Variants in LOC128092252 observed in about 807,000 individuals in gnomAD.
the LOC128092252 span, among the ~76,000 whole-genome samples, chr15:50,649,810 T>C: frequency 1.3e-5 from 2 of 152,082 alleles, no homozygotes; most frequent in South Asian, 2.1e-4. Context: ...CCAAGGCAGC[T>C]AGAGTTTGTG....
the LOC128092252 span, among the ~76,000 whole-genome samples, chr15:50,652,866 A>G: frequency 6.6e-6 from 1 of 152,154 alleles, no homozygotes; most frequent in African/African-American, 2.4e-5. Context: ...CATTAGCATT[A>G]CAAGAAAAGA....
chr15:50,669,583 A>G, the LOC128092252 span, among the ~76,000 whole-genome samples: 2 of 152,242 alleles, frequency 1.3e-5, no homozygotes, highest in Admixed American at 6.5e-5. Flanking sequence ...CTGGCCAAGT[A>G]TAACAAAGCA....
the LOC128092252 span, among the ~76,000 whole-genome samples, chr15:50,665,605 A>AT: frequency 6.6e-6 from 1 of 152,116 alleles, no homozygotes; most frequent in Admixed American, 6.6e-5. Flanking sequence ...TTAGAAGTGA[A>AT]TAATAGTGAA....
At chr15:50,679,538 A>ATTTTTTTTTTTTTTT in the LOC128092252 span, among the ~76,000 whole-genome samples, 4 of 43,904 alleles carry the variant, frequency 9.1e-5, no homozygotes, top group African/African-American at 4.3e-4. Context: ...ATATATATAT[A>ATTTTTTTTTTTTTTT]TTTTTTTTTT....
the LOC128092252 span, among the ~76,000 whole-genome samples, chr15:50,680,436 G>A: frequency 1.3e-5 from 2 of 151,790 alleles, no homozygotes; most frequent in African/African-American, 4.8e-5. Flanking sequence ...CCAATGTGGT[G>A]GCGCAACCTG....
the LOC128092252 span, chr15:50,662,900 A>C: frequency 8.7e-7 from 1 of 1,144,712 alleles, no homozygotes. Context: ...GTTTCCAATA[A>C]AGAAATAACA....
At chr15:50,663,976 C>CA in the LOC128092252 span, among the ~76,000 whole-genome samples, 6 of 149,758 alleles carry the variant, frequency 4.0e-5, no homozygotes, top group East Asian at 2.0e-4. Flanking sequence ...AAAAACAAAG[C>CA]AAAAAAAACC....
At chr15:50,656,150 G>C in the LOC128092252 span, among the ~76,000 whole-genome samples, 1 of 152,012 alleles carries the variant, frequency 6.6e-6, no homozygotes, top group African/African-American at 2.4e-5. Flanking sequence ...GTTCAGTGTA[G>C]CTGCACTATA....
the LOC128092252 span, among the ~76,000 whole-genome samples, chr15:50,659,050 T>A: frequency 6.6e-6 from 1 of 151,948 alleles, no homozygotes; most frequent in Non-Finnish European, 1.5e-5. Context: ...TACAAAAAAT[T>A]AGCCAGATGT....
chr15:50,661,009 C>G, the LOC128092252 span, among the ~76,000 whole-genome samples: 1 of 149,744 alleles, frequency 6.7e-6, no homozygotes, highest in Non-Finnish European at 1.5e-5. Context: ...GAGTTTCACT[C>G]TTGTTACCCA....
the LOC128092252 span, among the ~76,000 whole-genome samples, chr15:50,677,700 C>A: frequency 7.3e-6 from 1 of 136,510 alleles, no homozygotes; most frequent in Admixed American, 8.2e-5. Context: ...GATCACGCCA[C>A]TGCACTCCAG....
At chr15:50,658,675 A>G in the LOC128092252 span, among the ~76,000 whole-genome samples, 1 of 152,192 alleles carries the variant, frequency 6.6e-6, no homozygotes, top group Non-Finnish European at 1.5e-5. Context: ...GCCACTTGGC[A>G]ATACCCATCA....
chr15:50,678,246 A>AAAAAAAAC, the LOC128092252 span, among the ~76,000 whole-genome samples: 1 of 142,504 alleles, frequency 7.0e-6, no homozygotes, highest in African/African-American at 2.6e-5. Context: ...TCTCAAAAAA[A>AAAAAAAAC]AAAAACAAAA....
the LOC128092252 span, among the ~76,000 whole-genome samples, chr15:50,658,094 TC>T: frequency 6.7e-6 from 1 of 149,732 alleles, no homozygotes; most frequent in Non-Finnish European, 1.5e-5. Flanking sequence ...AAGCTCCGCC[TC>T]CCGGGTTCAC....
the LOC128092252 span, chr15:50,686,509 C>A: frequency 5.0e-6 from 8 of 1,613,778 alleles, no homozygotes; most frequent in African/African-American, 1.3e-5. Flanking sequence ...ATTCCCCGCC[C>A]GGGCCTGCGT....
chr15:50,673,270 G>GT, the LOC128092252 span, among the ~76,000 whole-genome samples: 27 of 151,866 alleles, frequency 1.8e-4, 1 homozygote, highest in Admixed American at 1.3e-4. Context: ...TATTTTTATT[G>GT]TTTTTTACTT....
At chr15:50,655,510 C>G in the LOC128092252 span, among the ~76,000 whole-genome samples, 6 of 149,374 alleles carry the variant, frequency 4.0e-5, no homozygotes, top group Non-Finnish European at 8.9e-5. Context: ...TTTACGCAAG[C>G]AGAATAAGTA....
the LOC128092252 span, among the ~76,000 whole-genome samples, chr15:50,656,259 G>A: frequency 2.6e-5 from 4 of 151,994 alleles, no homozygotes; most frequent in Non-Finnish European, 5.9e-5. Context: ...ACTGGAGATG[G>A]TTAAGTACAG....
chr15:50,650,192 C>CAA, the LOC128092252 span, among the ~76,000 whole-genome samples: 159 of 62,278 alleles, frequency 2.6e-3, 10 homozygotes, highest in African/African-American at 7.2e-3. Context: ...GACTTTGTCT[C>CAA]AAAAAAAAAA....
Sources: allele counts gnomAD v4.1 joint callset (sites outside exome capture counted in the v4.1 genomes callset), GRCh38; gene constraint gnomAD v4.1.1; transcripts MANE v1.5.